Variants in GALNTL6 observed in about 807,000 individuals in gnomAD.
GALNTL6 encodes the protein polypeptide N-acetylgalactosaminyltransferase like 6, also known as polypeptide N-acetylgalactosaminyltransferase-like 6.
GALNTL6 carries 46 observed loss-of-function variants against 73.7 expected under a neutral mutation model. The ratio of observed to expected loss-of-function variants is 0.62; its 90% confidence interval spans 0.49 to 0.80. GALNTL6 has a LOEUF of 0.80. GALNTL6 is among the 30% of genes least tolerant of loss of function. The pLI is 0.00. For synonymous variants in GALNTL6, 259 were observed against 263.7 expected, an observed-to-expected ratio of 0.98 and a Z score of 0.17; for missense variants, 604 against 755.0, an observed-to-expected ratio of 0.80 and a Z score of 2.34.
At chr4:172,423,351 G>A (rs921649384) in intron 5 of GALNTL6, among the ~76,000 whole-genome samples, 1 of 151,914 alleles carries the variant, frequency 6.6e-6, no homozygotes, top group African/African-American at 2.4e-5. Flanking sequence ...GATCCATTTG[G>A]CATTACCTAA....
At chr4:172,719,937 C>G (rs564180567) in intron 5 of GALNTL6, among the ~76,000 whole-genome samples, 1 of 152,150 alleles carries the variant, frequency 6.6e-6, no homozygotes, top group Non-Finnish European at 1.5e-5. Flanking sequence ...AACTTCCTGA[C>G]GTTGTCATGG....
chr4:171,824,073 C>A (rs1314971998), intron 2 of GALNTL6, among the ~76,000 whole-genome samples: 3 of 56,926 alleles, frequency 5.3e-5, no homozygotes, highest in Non-Finnish European at 1.1e-4. Flanking sequence ...AACACAAATC[C>A]ATTTTATATA....
At chr4:171,947,667 T>C (rs952956304) in intron 2 of GALNTL6, among the ~76,000 whole-genome samples, 1 of 152,158 alleles carries the variant, frequency 6.6e-6, no homozygotes, top group Admixed American at 6.5e-5. Context: ...CAAAGACTAA[T>C]AGTAGATTCA....
chr4:172,196,006 G>GTTTT (rs147919669), intron 2 of GALNTL6, among the ~76,000 whole-genome samples: 1 of 127,220 alleles, frequency 7.9e-6, no homozygotes, highest in Admixed American at 8.1e-5. Context: ...CAGGAGCTGG[G>GTTTT]TTTTTTTTTT....
Position 172,009,407 on chromosome 4 carries a change from A to T in GALNTL6, c.138+194689A>T, listed in dbSNP as rs571617341. ...CTGGAATACAATTTAGGTAATGAAG[A>T]TTTTCAAATGGTCTACCCCCTGTGC... On this transcript the variant is annotated intron_variant, in intron 2 of 12. Transcript: ENST00000506823. Among the ~76,000 whole-genome samples, 3 of 152,158 alleles carry T rather than the reference A, an allele frequency of 2.0e-5. No individual in the cohort carries two copies. In the East Asian group the frequency reaches 5.8e-4, roughly 29 times the overall value.
intron 2 of GALNTL6, among the ~76,000 whole-genome samples, chr4:171,986,293 G>A (rs971227511): frequency 6.6e-6 from 1 of 151,758 alleles, no homozygotes; most frequent in African/African-American, 2.4e-5. Flanking sequence ...GTTCTCTGGC[G>A]GGCAGAGTGG....
chr4:172,864,582 T>C (rs1365955701), intron 7 of GALNTL6, among the ~76,000 whole-genome samples: 1 of 152,222 alleles, frequency 6.6e-6, no homozygotes, highest in Non-Finnish European at 1.5e-5. Flanking sequence ...AGCCATGATA[T>C]CTCTATTTCA....
At chr4:172,916,772 TC>T (rs146392178) in intron 8 of GALNTL6, among the ~76,000 whole-genome samples, 28,581 of 151,990 alleles carry the variant, frequency 0.19, 3,020 homozygotes, top group African/African-American at 0.28. Flanking sequence ...GGAAGAACAT[TC>T]CCTGCTCATG....
intron 2 of GALNTL6, among the ~76,000 whole-genome samples, chr4:171,818,370 C>CA (rs1734580475): frequency 1.3e-5 from 2 of 151,022 alleles, no homozygotes; most frequent in African/African-American, 2.4e-5. Flanking sequence ...CCCCAAATTC[C>CA]AAAAAAAGTA....
chr4:172,144,816 T>C (rs1733888190), intron 2 of GALNTL6, among the ~76,000 whole-genome samples: 1 of 152,214 alleles, frequency 6.6e-6, no homozygotes, highest in Non-Finnish European at 1.5e-5. Context: ...AATGCATACA[T>C]GCTTATAGGT....
chr4:172,086,432 A>T (rs929576826), intron 2 of GALNTL6, among the ~76,000 whole-genome samples: 1 of 152,082 alleles, frequency 6.6e-6, no homozygotes, highest in African/African-American at 2.4e-5. Context: ...TTTTTGTTGT[A>T]TATATATAAT....
At chr4:172,196,934 C>T (rs964993612) in intron 2 of GALNTL6, among the ~76,000 whole-genome samples, 5 of 152,208 alleles carry the variant, frequency 3.3e-5, no homozygotes, top group South Asian at 2.1e-4. Flanking sequence ...TGGAACTTCC[C>T]GCCAGGGGAA....
chr4:171,877,472 C>A (rs930860272), intron 2 of GALNTL6, among the ~76,000 whole-genome samples: 3 of 152,166 alleles, frequency 2.0e-5, no homozygotes, highest in Non-Finnish European at 4.4e-5. Context: ...TCATGACAGG[C>A]CTTCATAGAA....
At chr4:172,214,047 G>A (rs1037860989) in intron 2 of GALNTL6, among the ~76,000 whole-genome samples, 3 of 152,162 alleles carry the variant, frequency 2.0e-5, no homozygotes, top group Non-Finnish European at 4.4e-5. Flanking sequence ...TCCATTTGCT[G>A]TACAGACTCT....
At chr4:172,918,960 T>C (rs1432457222) in intron 8 of GALNTL6, among the ~76,000 whole-genome samples, 1 of 152,206 alleles carries the variant, frequency 6.6e-6, no homozygotes, top group Non-Finnish European at 1.5e-5. Flanking sequence ...GGTGAAAACA[T>C]CTTCATATTT....
chr4:172,922,331 A>G (rs776579712), intron 8 of GALNTL6, among the ~76,000 whole-genome samples: 24 of 152,196 alleles, frequency 1.6e-4, no homozygotes, highest in Non-Finnish European at 2.8e-4. Flanking sequence ...TCATCACATC[A>G]TACTACCAAA....
At chr4:172,234,867 A>T (rs950572984) in intron 3 of GALNTL6, among the ~76,000 whole-genome samples, 1 of 152,136 alleles carries the variant, frequency 6.6e-6, no homozygotes, top group African/African-American at 2.4e-5. Context: ...TGTAAACTAA[A>T]ATTATTTCTT....
chr4:172,920,655 G>A (rs1161672488), intron 8 of GALNTL6, among the ~76,000 whole-genome samples: 7 of 152,100 alleles, frequency 4.6e-5, no homozygotes, highest in African/African-American at 1.7e-4. Context: ...AACAACTAGT[G>A]AATGAAAATA....
intron 2 of GALNTL6, among the ~76,000 whole-genome samples, chr4:172,180,017 C>T (rs959329598): frequency 6.6e-6 from 1 of 152,188 alleles, no homozygotes; most frequent in Non-Finnish European, 1.5e-5. Context: ...TGAGGAATCG[C>T]CACACTGTCT....
Sources: gnomAD v4.1 joint callset for allele counts (sites outside exome capture counted in the v4.1 genomes callset) on GRCh38, gnomAD v4.1.1 for gene constraint, MANE v1.5 for transcripts, NCBI Gene and HGNC (gene_info 2026-07-23, HGNC 2026-07-21) for gene names.